Variants in CRY2 observed in about 807,000 individuals in gnomAD.
The protein encoded by CRY2 is cryptochrome-2.
A neutral mutation model predicts 69.5 loss-of-function variants in CRY2; 31 were observed. The observed-to-expected ratio is 0.45, with a 90% CI of 0.34 to 0.60. CRY2 has a LOEUF of 0.60. Ranked by LOEUF, CRY2 falls within the 20% of genes least tolerant of loss-of-function variation. The pLI is 0.02. For missense variants in CRY2, 606 were observed against 797.8 expected (o/e 0.76, Z 2.90); for synonymous variants, 303 against 312.2 (o/e 0.97, Z 0.31).
At chr11:45,876,100 A>C (rs877412) in intron 11 of CRY2, among the ~76,000 whole-genome samples, 57,988 of 152,010 alleles carry the variant, frequency 0.38, 11,673 homozygotes, top group African/African-American at 0.47. Flanking sequence ...TTTCCTCTGT[A>C]ATTTTTAATT....
chr11:45,856,398 C>A, intron 2 of CRY2: 1 of 292,906 alleles, frequency 3.4e-6, no homozygotes, highest in Non-Finnish European at 6.4e-6. Context: ...TTGGCTCAAG[C>A]CAGCCAGATT....
Position 45,882,899 on chromosome 11 carries a change from G to A in CRY2, c.*1988G>A, listed in dbSNP as rs1368979888. 6 of 394,468 alleles carry A rather than the reference G, an allele frequency of 1.5e-5. No homozygotes were observed. Among genetic ancestry groups the A allele is most frequent in the South Asian group, 1.4e-4 (1 of 6,966 alleles). The allele number at this position is 394,468 out of a possible 1,614,324, so 24.4% of individuals were successfully genotyped here. On this transcript the variant is annotated 3_prime_UTR_variant, in exon 12 of 12. Transcript: ENST00000616080. ...GGTACAGGTTGGCAGGACCACCTCC[G>A]CCTACTTCTCCACCATCCCTAGCAT...
In CRY2 at chr11:45,856,043, T is replaced by C. The variant is rs772188459; in HGVS notation, c.277T>C (p.Phe93Leu). 2 of 1,614,072 alleles carry C rather than the reference T, an allele frequency of 1.2e-6. No homozygotes were observed. The highest frequency in any genetic ancestry group is 1.7e-6 in the Non-Finnish European group (2 of 1,180,040). The change falls in exon 2 of 12, where the codon TTT becomes CTT. Residue 93 changes from phenylalanine (F) to leucine (L), a missense_variant. Physicochemically the swap from Phe to Leu is conservative, Grantham distance 22. Coordinates refer to ENST00000616080, the MANE Select transcript of CRY2 (RefSeq NM_021117.5). ...TTTAAGGAAACTGAACTCCCGCCTGTTTGTAGTCCGGGGACAGCCAGCCGA... is the reference window on the plus strand; with the variant it reads ...TTTAAGGAAACTGAACTCCCGCCTGCTTGTAGTCCGGGGACAGCCAGCCGA... ...TSLRKLNSRL[F>L]VVRGQPADVF...
Position 45,861,012 on chromosome 11 carries a change from T to A in CRY2, c.632T>A (p.Val211Glu). The A allele has an allele frequency of 2.5e-6, 4 of 1,613,298 alleles. No individual in the cohort carries two copies. The highest frequency in any genetic ancestry group is 3.4e-6 in the Non-Finnish European group (4 of 1,179,934). Residue 211 changes from valine to glutamate, a missense_variant, in exon 4 of 12, where the codon GTG becomes GAG. This residue lies in a region of CRY2 where 382 missense variants were observed against 508.9 expected (regional missense o/e 0.75). Coordinates refer to ENST00000616080, the MANE Select transcript of CRY2 (RefSeq NM_021117.5). ...GAGAACCACGACGAGACCTACGGCG[T>A]GCCCTCCCTGGAGGAGCTGGGTGCG... ...IQENHDETYGVPSLEELGFPT... is the reference protein window; with the variant it reads ...IQENHDETYGEPSLEELGFPT...
chr11:45,876,126 G>A (rs1038403665), intron 11 of CRY2, among the ~76,000 whole-genome samples: 19 of 152,160 alleles, frequency 1.2e-4, no homozygotes, highest in African/African-American at 4.3e-4. Flanking sequence ...ACTTTGGGCT[G>A]GATCCATAGC....
chr11:45,865,195 A>G (rs932798067), intron 5 of CRY2, among the ~76,000 whole-genome samples: 3 of 152,168 alleles, frequency 2.0e-5, no homozygotes, highest in African/African-American at 7.2e-5. Flanking sequence ...ACGTTTTGCC[A>G]AAATAGAAAA....
chr11:45,870,835 C>T lies in CRY2; in HGVS notation c.1550-7C>T, dbSNP rs1377248010. ...GGCACTCTGATTACTCCTCGCCTCT[C>T]TCCCAGGTCTACTGGCATCTGTCCC... On this transcript the variant is annotated splice_region_variant and splice_polypyrimidine_tract_variant and intron_variant, in intron 9 of 11. Coordinates refer to ENST00000616080, the MANE Select transcript of CRY2 (RefSeq NM_021117.5). 6.2e-7 allele frequency: 1 copy of T among 1,612,184 alleles called. No homozygotes were observed.
intron 1 of CRY2, among the ~76,000 whole-genome samples, chr11:45,849,930 T>C (rs10769174): frequency 1 from 152,102 of 152,212 alleles, 75,996 homozygotes; most frequent in Middle Eastern, 1. Flanking sequence ...AGCCCCTTTC[T>C]CCCAGTTCTG....
At chr11:45,847,397 A>C, upstream of CRY2, 1 of 1,562,698 alleles carries the variant, frequency 6.4e-7, no homozygotes, top group African/African-American at 1.4e-5. Flanking sequence ...CTAAGGGTGG[A>C]GTTGCGGCGT....
At chr11:45,850,710 A>T (rs2086193252) in intron 1 of CRY2, among the ~76,000 whole-genome samples, 1 of 152,082 alleles carries the variant, frequency 6.6e-6, no homozygotes, top group Non-Finnish European at 1.5e-5. Flanking sequence ...GCTGCAGCAT[A>T]ATGTCCTAGC....
chr11:45,857,120 A>G (rs756402946), intron 2 of CRY2, among the ~76,000 whole-genome samples: 9 of 152,198 alleles, frequency 5.9e-5, no homozygotes, highest in African/African-American at 2.2e-4. Context: ...TCATCCTTCA[A>G]TTCCCCTCCC....
At chr11:45,880,384 C>T (rs1363104720) in intron 11 of CRY2, among the ~76,000 whole-genome samples, 1 of 152,160 alleles carries the variant, frequency 6.6e-6, no homozygotes, top group Non-Finnish European at 1.5e-5. Flanking sequence ...TCTCCTCTCT[C>T]CCTCCTGCCC....
At position 45,858,798 on chromosome 11, in the gene CRY2, C is replaced by A; in HGVS notation, c.392C>A (p.Ala131Asp). ...CCCTTTGGGAAAGAACGGGATGCAG[C>A]CATCATGAAGATGGCCAAGGAGGCT... Reference protein sequence around the residue: ...SEPFGKERDAAIMKMAKEAGV... With the variant: ...SEPFGKERDADIMKMAKEAGV... The change falls in exon 3 of 12, where the codon GCC becomes GAC. Residue 131 changes from alanine to aspartate, a missense_variant. Physicochemically the swap from Ala to Asp is moderately radical, Grantham distance 126 (BLOSUM62 -2). Around this residue, in one of 5 missense-constraint regions of CRY2, gnomAD observed 382 missense variants for 508.9 expected, o/e 0.75. Coordinates refer to ENST00000616080, the MANE Select transcript of CRY2 (RefSeq NM_021117.5). The A allele has an allele frequency of 6.2e-7, 1 of 1,614,154 alleles. No individual in the cohort carries two copies. The highest frequency in any genetic ancestry group is 8.5e-7 in the Non-Finnish European group (1 of 1,180,038).
chr11:45,869,648 A>C lies in CRY2; in HGVS notation c.1025A>C (p.Asn342Thr). Residue 342 changes from asparagine (N) to threonine (T), a missense_variant, in exon 7 of 12, where the codon AAT becomes ACT. By Grantham distance (65) the Asn-to-Thr change is moderately conservative. Coordinates refer to ENST00000616080, the MANE Select transcript of CRY2 (RefSeq NM_021117.5). ...PICIQIPWDR[N>T]PEALAKWAEG... ...TGCATCCAGATCCCCTGGGACCGCAATCCTGAGGCCCTGGCCAAGTGGGCT... is the reference window on the plus strand; with the variant it reads ...TGCATCCAGATCCCCTGGGACCGCACTCCTGAGGCCCTGGCCAAGTGGGCT... 1 of 1,614,230 alleles carries C rather than the reference A, an allele frequency of 6.2e-7. No homozygotes were observed. The highest frequency in any genetic ancestry group is 8.5e-7 in the Non-Finnish European group (1 of 1,180,036).
chr11:45,869,662 G>GC lies in CRY2; in HGVS notation c.1041dup (p.Lys348GlnfsTer4). The stretch of plus-strand genomic sequence containing the variant: ...CTGGGACCGCAATCCTGAGGCCCTG[G>GC]CCAAGTGGGCTGAGGGCAAGACAGG... On this transcript the variant is annotated frameshift_variant, in exon 7 of 12. Coordinates refer to ENST00000616080, the MANE Select transcript of CRY2 (RefSeq NM_021117.5). LOFTEE classifies it high-confidence loss of function. 6.2e-7 allele frequency: 1 copy of GC among 1,614,250 alleles called. No homozygotes were observed. Among genetic ancestry groups the GC allele is most frequent in the Non-Finnish European group, 8.5e-7 (1 of 1,180,048 alleles).
chr11:45,868,622 G>T (rs1049215719), intron 6 of CRY2, among the ~76,000 whole-genome samples: 11 of 151,992 alleles, frequency 7.2e-5, no homozygotes, highest in African/African-American at 2.7e-4. Context: ...CCTAGCCGTT[G>T]TGTCTACATT....
Position 45,869,550 on chromosome 11 carries a change from C to T in CRY2, c.927C>T (p.Leu309=). Residue 309 remains leucine (L), a synonymous_variant, in exon 7 of 12, where the codon CTC becomes CTT. Coordinates refer to ENST00000616080, the MANE Select transcript of CRY2 (RefSeq NM_021117.5). ...STPPLSLFGQ[L]LWREFFYTAA... ...CTCCCCTCTCCCTATTTGGGCAACT[C>T]CTATGGCGAGAGTTCTTCTACACGG... 3.1e-6 allele frequency: 5 copies of T among 1,614,192 alleles called. No individual in the cohort carries two copies. The highest frequency in any genetic ancestry group is 4.2e-6 in the Non-Finnish European group (5 of 1,180,038).
intron 11 of CRY2, among the ~76,000 whole-genome samples, chr11:45,877,267 G>C (rs2086431068): frequency 6.6e-6 from 1 of 152,192 alleles, no homozygotes; most frequent in Non-Finnish European, 1.5e-5. Flanking sequence ...CGAACCCTCT[G>C]CCTTTCTCAA....
intron 9 of CRY2, 148 bp from the exon 10 acceptor site, chr11:45,870,694 C>A: frequency 1.8e-6 from 2 of 1,106,580 alleles, no homozygotes; most frequent in South Asian, 1.5e-5. Context: ...ATGAACTGGG[C>A]CTTCCTGAGT....
Sources: gnomAD v4.1 joint callset for allele counts (sites outside exome capture counted in the v4.1 genomes callset) on GRCh38, gnomAD v4.1.1 for gene constraint, gnomAD v4.1.1 regional missense constraint, MANE v1.5 for transcripts, NCBI Gene and HGNC (gene_info 2026-07-23, HGNC 2026-07-21) for gene names.